The following KNTC1 variants were observed in gnomAD, a reference collection of about 807,000 sequenced individuals.
KNTC1 encodes kinetochore-associated protein 1.
In KNTC1, 253 loss-of-function variants were observed where a neutral mutation model predicts 314.4. The ratio of observed to expected loss-of-function variants is 0.80; its 90% CI spans 0.73 to 0.89. The LOEUF is 0.89. KNTC1 is among the 40% of genes least tolerant of loss of function. KNTC1 has a pLI of 0.00. For missense variants in KNTC1, 2,475 were observed against 2,572.9 expected (o/e 0.96, Z 0.82); for synonymous variants, 901 against 901.4 (o/e 1.00, Z 0.01).
At chr12:122,612,612 G>T (rs1873293138) in intron 53 of KNTC1, among the ~76,000 whole-genome samples, 1 of 151,104 alleles carries the variant, frequency 6.6e-6, no homozygotes. Flanking sequence ...AGAGACGTGG[G>T]TTTCACCATG....
In KNTC1 at chr12:122,551,466, A is replaced by G; in HGVS notation, c.1139A>G (p.Glu380Gly). 6.3e-7 allele frequency: 1 copy of G among 1,586,614 alleles called. No individual in the cohort carries two copies. The highest frequency in any genetic ancestry group is 8.6e-7 in the Non-Finnish European group (1 of 1,164,628). ...GVCKNDPKLS[E>G]DSVSVLVLRC... ...GTTAAAATTTTTTCTAGATTGTCTG[A>G]AGACTCAGTCTCTGTGTTAGTACTC... Residue 380 changes from glutamate (E) to glycine (G), a missense_variant, in exon 15 of 64, where the codon GAA becomes GGA. Transcript: ENST00000333479.
rs11395342 is a variant in KNTC1, at chr12:122,598,421, C to CTTTTTTTTT, written c.4563+492_4563+500dup. On this transcript the variant is annotated intron_variant, in intron 44 of 63. Transcript: ENST00000333479. ...GAAATGTCTTTTTTCTTTTTCTTTT[C>CTTTTTTTTT]TTTTTTTTTTTTTTTTTGAGACAAG... 4.5e-3 allele frequency among the ~76,000 whole-genome samples: 560 copies of CTTTTTTTTT among 124,096 alleles called. 4 individuals carry two copies. Among genetic ancestry groups the CTTTTTTTTT allele is most frequent in the Non-Finnish European group, 5.9e-3 (362 of 61,406 alleles). The allele number at this position is 124,096 out of a possible 152,430, so 81.4% of individuals were successfully genotyped here.
chr12:122,577,878 G>A, intron 31 of KNTC1, 87 bp downstream of exon 31: 1 of 1,213,462 alleles, frequency 8.2e-7, no homozygotes, highest in Non-Finnish European at 1.1e-6. Flanking sequence ...TTACACATAT[G>A]AAGATCTGCT....
chr12:122,602,921 A>G (rs747762200), intron 47 of KNTC1, 34 bp downstream of exon 47: 3 of 1,562,376 alleles, frequency 1.9e-6, no homozygotes, highest in Admixed American at 1.7e-5. Flanking sequence ...ACATTTCTGT[A>G]TCCTGCAATT....
intron 43 of KNTC1, chr12:122,597,102 C>G (rs1487007304): frequency 6.6e-6 from 1 of 152,272 alleles, no homozygotes; most frequent in African/African-American, 2.4e-5. Flanking sequence ...GACATCCTTA[C>G]TAACATGTAT....
intron 2 of KNTC1, among the ~76,000 whole-genome samples, chr12:122,531,389 G>T (rs1226176918): frequency 6.6e-6 from 1 of 152,108 alleles, no homozygotes; most frequent in Admixed American, 6.5e-5. Flanking sequence ...CGTATTTTTA[G>T]TAGAGATGGG....
In KNTC1 at chr12:122,586,707, A is replaced by G; in HGVS notation, c.3680A>G (p.Lys1227Arg). Residue 1227 changes from lysine to arginine, a missense_variant, in exon 38 of 64, where the codon AAG becomes AGG. Lys to Arg is a conservative substitution (Grantham distance 26). Transcript: ENST00000333479. ...GTTTTATTATCTTTTGTAGAAAGCA[A>G]GAGATATCCCTTGGAGTCTACCAGT... The part of the protein sequence containing the change: ...ISSLVPLAES[K>R]RYPLESTSLP... 1 of 1,474,898 alleles carries G rather than the reference A, an allele frequency of 6.8e-7. No individual in the cohort carries two copies. The highest frequency in any genetic ancestry group is 9.1e-7 in the Non-Finnish European group (1 of 1,100,182). 91.4% of individuals were successfully genotyped at this position (1,474,898 alleles called of 1,614,324 possible).
Position 122,610,856 on chromosome 12 carries a change from T to C in KNTC1, c.5578T>C (p.Tyr1860His), listed in dbSNP as rs772681792. Residue 1860 changes from tyrosine to histidine, a missense_variant, in exon 53 of 64, where the codon TAT becomes CAT. Physicochemically the swap from Tyr to His is moderately conservative, Grantham distance 83. Coordinates refer to ENST00000333479, the MANE Select transcript of KNTC1 (RefSeq NM_014708.6). ...QYLLLSRPID[Y>H]SSRMLFVFAT... ...TCTCCTCCTGTCTCGTCCAATTGAT[T>C]ATAGTTCAAGAATGCTGTTTGTATT... 4 of 1,613,460 alleles carry C rather than the reference T, an allele frequency of 2.5e-6. No homozygotes were observed. Among genetic ancestry groups the C allele is most frequent in the Non-Finnish European group, 2.5e-6 (3 of 1,179,622 alleles).
chr12:122,590,790 A>T (rs904975173), intron 41 of KNTC1, 55 bp downstream of exon 41: 6 of 1,544,498 alleles, frequency 3.9e-6, no homozygotes, highest in Non-Finnish European at 5.3e-6. Flanking sequence ...ATTGGGGGGG[A>T]GAAATGAAGT....
chr12:122,589,784 T>TTTC, intron 40 of KNTC1, among the ~76,000 whole-genome samples: 1 of 141,326 alleles, frequency 7.1e-6, no homozygotes, highest in African/African-American at 2.7e-5. Context: ...CAATTTTTTT[T>TTTC]TTTTTTTTTT....
intron 7 of KNTC1, 33 bp from the exon 8 acceptor site, chr12:122,544,124 TTA>T (rs1336618167): frequency 3.5e-6 from 3 of 850,468 alleles, no homozygotes; most frequent in Non-Finnish European, 5.7e-6. Context: ...TAAATATGTA[TTA>T]TATATATGAC....
Position 122,582,967 on chromosome 12 carries a change from C to T in KNTC1, c.3245C>T (p.Thr1082Ile). Residue 1082 changes from threonine to isoleucine, a missense_variant, in exon 34 of 64, where the codon ACA becomes ATA. By Grantham distance (89) the Thr-to-Ile change is moderately conservative. Coordinates refer to ENST00000333479, the MANE Select transcript of KNTC1 (RefSeq NM_014708.6). ...GCCTTAAAAGATGGGAACATCAAAACAGCACTGAAAAAATGCAGGTGACAT... is the reference window on the plus strand; with the variant it reads ...GCCTTAAAAGATGGGAACATCAAAATAGCACTGAAAAAATGCAGGTGACAT... ...LRALKDGNIK[T>I]ALKKCSDLFK... 1 of 1,607,284 alleles carries T rather than the reference C, an allele frequency of 6.2e-7. No homozygotes were observed. Among genetic ancestry groups the T allele is most frequent in the Non-Finnish European group, 8.5e-7 (1 of 1,176,606 alleles).
At chr12:122,565,608 C>T (rs368774865) in intron 20 of KNTC1, among the ~76,000 whole-genome samples, 11 of 151,752 alleles carry the variant, frequency 7.2e-5, no homozygotes, top group African/African-American at 2.7e-4. Context: ...AATTCTTGGC[C>T]GGGCACAGTG....
At chr12:122,591,889 C>T (rs927557998) in intron 42 of KNTC1, among the ~76,000 whole-genome samples, 2 of 152,258 alleles carry the variant, frequency 1.3e-5, no homozygotes, top group African/African-American at 4.8e-5. Context: ...CGCTCGCTCT[C>T]GGCGCCTCCT....
In KNTC1 at chr12:122,624,641, T is replaced by G. The variant is rs1220946589; in HGVS notation, c.6559T>G (p.Cys2187Gly). The change falls in exon 63 of 64, where the codon TGC (cysteine) becomes GGC (glycine). Residue 2187 changes from cysteine to glycine, a missense_variant. By Grantham distance (159) the Cys-to-Gly change is radical. Transcript: ENST00000333479. Reference protein sequence around the residue: ...SVLITEYSKHCGKPVPPDTAP... With the variant: ...SVLITEYSKHGGKPVPPDTAP... ...CTTGATAACTGAATATTCAAAGCACTGCGGGAAACCTGTGCCTCCAGACAC... is the reference window on the plus strand; with the variant it reads ...CTTGATAACTGAATATTCAAAGCACGGCGGGAAACCTGTGCCTCCAGACAC... The G allele has an allele frequency of 1.2e-6, 2 of 1,613,692 alleles. No individual in the cohort carries two copies. Among genetic ancestry groups the G allele is most frequent in the Admixed American group, 3.3e-5 (2 of 60,006 alleles).
At chr12:122,590,505 T>C in intron 40 of KNTC1, 102 bp from the exon 41 acceptor site, 1 of 1,199,088 alleles carries the variant, frequency 8.3e-7, no homozygotes, top group Non-Finnish European at 1.1e-6. Flanking sequence ...TAAGTATAAA[T>C]TAAAATTATT....
chr12:122,552,428 G>C (rs1006027518), intron 16 of KNTC1, among the ~76,000 whole-genome samples: 2 of 152,136 alleles, frequency 1.3e-5, no homozygotes, highest in Non-Finnish European at 2.9e-5. Context: ...ACAGTGGGGC[G>C]ATCACAGCTT....
Position 122,609,426 on chromosome 12 carries a change from C to T in KNTC1, c.5539C>T (p.Arg1847Ter), listed in dbSNP as rs758075908. ...LFELQEDEAL[R>*]RVQYLLLSRP... ...TGAACTTCAAGAAGATGAAGCCCTA[C>T]GAAGGTACTCTTTTCCTTTACTTAT... Residue 1847 changes from arginine (R) to a stop codon, truncating the protein, a stop_gained, in exon 52 of 64, where the codon CGA becomes TGA. Coordinates refer to ENST00000333479, the MANE Select transcript of KNTC1 (RefSeq NM_014708.6). LOFTEE classifies it high-confidence loss of function. 5.1e-6 allele frequency: 8 copies of T among 1,565,620 alleles called. No homozygotes were observed. Among genetic ancestry groups the T allele is most frequent in the South Asian group, 3.5e-5 (3 of 84,962 alleles).
chr12:122,580,688 T>C lies in KNTC1; in HGVS notation c.2982+18T>C. 1.3e-6 allele frequency: 2 copies of C among 1,489,780 alleles called. No individual in the cohort carries two copies. Among genetic ancestry groups the C allele is most frequent in the Non-Finnish European group, 1.8e-6 (2 of 1,093,162 alleles). The allele number at this position is 1,489,780 out of a possible 1,614,324, so 92.3% of individuals were successfully genotyped here. The stretch of plus-strand genomic sequence containing the variant: ...GCTTACAGGTAAACATATTGAGCCA[T>C]GTTAAACATTATTACTTGACCAATC... On this transcript the variant is annotated intron_variant, in intron 33 of 63. Coordinates refer to ENST00000333479, the MANE Select transcript of KNTC1 (RefSeq NM_014708.6).
Sources: allele counts gnomAD v4.1 joint callset (sites outside exome capture counted in the v4.1 genomes callset), GRCh38; gene constraint gnomAD v4.1.1; transcripts MANE v1.5; gene names NCBI Gene and HGNC (gene_info 2026-07-23, HGNC 2026-07-21).